Variants in NEMP2 observed in about 807,000 individuals in gnomAD.
NEMP2 encodes the protein nuclear envelope integral membrane protein 2.
A neutral mutation model predicts 54.2 loss-of-function variants in NEMP2; 53 were observed. The ratio of observed to expected loss-of-function variants is 0.98; its 90% CI spans 0.78 to 1.23. The LOEUF (loss-of-function observed/expected upper bound fraction) is 1.23, where lower values mean the gene tolerates loss of function less well. Ranked by LOEUF, NEMP2 falls within the 50% of genes most tolerant of loss-of-function variation. The pLI is 0.00. For missense variants in NEMP2, 455 were observed against 511.3 expected, an observed-to-expected ratio of 0.89 and a Z score of 1.06; for synonymous variants, 197 against 190.3, an observed-to-expected ratio of 1.04 and a Z score of -0.29.
the NEMP2 span, among the ~76,000 whole-genome samples, chr2:190,599,375 A>G: frequency 6.6e-6 from 1 of 152,200 alleles, no homozygotes; most frequent in African/African-American, 2.4e-5. Flanking sequence ...TTTCATCTGG[A>G]TAGATGGCAG....
the NEMP2 span, among the ~76,000 whole-genome samples, chr2:190,573,222 T>G: frequency 1.5e-4 from 23 of 152,218 alleles, no homozygotes; most frequent in Non-Finnish European, 2.9e-4. Flanking sequence ...TGCCTCTGAT[T>G]TCTTATTTTA....
the NEMP2 span, among the ~76,000 whole-genome samples, chr2:190,627,593 GA>G: frequency 5.6e-4 from 79 of 141,938 alleles, no homozygotes; most frequent in South Asian, 1.8e-3. The surrounding 1 kb of genome is among the most constrained non-coding windows in gnomAD (Gnocchi z 4.4). Context: ...AGTTCTTAGG[GA>G]AAAAAAAAAA....
chr2:190,474,182 A>C, the NEMP2 span, among the ~76,000 whole-genome samples: 1 of 152,172 alleles, frequency 6.6e-6, no homozygotes, highest in Non-Finnish European at 1.5e-5. Context: ...AAACACATTC[A>C]AAAGCTAGCA....
In NEMP2 at chr2:190,523,921, T is replaced by C. The variant is rs900029691; in HGVS notation, c.213+1342A>G. 2.5e-4 allele frequency among the ~76,000 whole-genome samples: 38 copies of C among 151,904 alleles called. No homozygotes were observed. Among genetic ancestry groups the C allele is most frequent in the Non-Finnish European group, 2.9e-5 (2 of 67,948 alleles). ...CCAATGAATGTAAATGGAATAATGG[T>C]GCCAGGCGCAGTGGCTTGCGCCTGT... is the stretch of plus-strand genomic sequence containing the variant. On this transcript the variant is annotated intron_variant, in intron 2 of 8. Coordinates refer to ENST00000409150, the MANE Select transcript of NEMP2 (RefSeq NM_001142645.2). This position sits in a 1 kb window ranked among gnomAD's most constrained non-coding sequence, Gnocchi z 5.3.
chr2:190,476,928 A>G, the NEMP2 span, among the ~76,000 whole-genome samples: 2 of 151,920 alleles, frequency 1.3e-5, no homozygotes, highest in East Asian at 1.9e-4. Flanking sequence ...GCTGGAAACC[A>G]TCATTCTCAG....
chr2:190,518,135 G>A (rs1423938976), intron 4 of NEMP2, among the ~76,000 whole-genome samples: 1 of 151,968 alleles, frequency 6.6e-6, no homozygotes, highest in Non-Finnish European at 1.5e-5. Context: ...ACGAGTGTTG[G>A]GTACTAACCT....
the NEMP2 span, among the ~76,000 whole-genome samples, chr2:190,574,931 T>G: frequency 6.6e-6 from 1 of 151,720 alleles, no homozygotes; most frequent in African/African-American, 2.4e-5. Flanking sequence ...CTCAGCTCAC[T>G]ACGATCTCCA....
chr2:190,503,524 C>T (rs770337906), downstream of NEMP2, among the ~76,000 whole-genome samples: 2 of 152,150 alleles, frequency 1.3e-5, no homozygotes, highest in Non-Finnish European at 2.9e-5. This position sits in a 1 kb window ranked among gnomAD's most constrained non-coding sequence, Gnocchi z 6.3. Flanking sequence ...GATCTCTGGG[C>T]CTGTTTCCTC....
the NEMP2 span, among the ~76,000 whole-genome samples, chr2:190,427,290 T>TG: frequency 6.6e-6 from 1 of 152,214 alleles, no homozygotes; most frequent in Admixed American, 6.5e-5. Context: ...GTTGAGGGGT[T>TG]GGGGGTTCCC....
At chr2:190,633,108 T>C in the NEMP2 span, among the ~76,000 whole-genome samples, 1 of 152,132 alleles carries the variant, frequency 6.6e-6, no homozygotes, top group Non-Finnish European at 1.5e-5. Flanking sequence ...GAATGTCACT[T>C]TCCTCTTAAG....
At position 190,519,724 on chromosome 2, in the gene NEMP2, T is replaced by C. The variant is rs1318083362; in HGVS notation, c.214-541A>G. 6.6e-6 allele frequency among the ~76,000 whole-genome samples: 1 copy of C among 152,238 alleles called. No homozygotes were observed. The highest frequency in any genetic ancestry group is 6.5e-5 in the Admixed American group (1 of 15,290). ...AATGCTTCTCCCTCCAAGCTGTGGC[T>C]GATTTAAGTCCCTCTTCTAGCAAGT... On this transcript the variant is annotated intron_variant, in intron 2 of 8. Transcript: ENST00000409150. This position sits in a 1 kb window ranked among gnomAD's most constrained non-coding sequence, Gnocchi z 5.4.
At chr2:190,560,900 C>A in the NEMP2 span, among the ~76,000 whole-genome samples, 1 of 152,126 alleles carries the variant, frequency 6.6e-6, no homozygotes, top group Non-Finnish European at 1.5e-5. This position sits in a 1 kb window ranked among gnomAD's most constrained non-coding sequence, Gnocchi z 5.4. Flanking sequence ...TTTTAAATAT[C>A]AAAATACTGT....
the NEMP2 span, chr2:190,610,377 T>C: frequency 6.6e-6 from 1 of 152,192 alleles, no homozygotes; most frequent in Non-Finnish European, 1.5e-5. This position sits in a 1 kb window ranked among gnomAD's most constrained non-coding sequence, Gnocchi z 5.4. Context: ...TACCTATGAA[T>C]TGGGTGAATT....
At chr2:190,490,055 T>C in the NEMP2 span, among the ~76,000 whole-genome samples, 3 of 151,910 alleles carry the variant, frequency 2.0e-5, no homozygotes, top group African/African-American at 7.2e-5. This position sits in a 1 kb window ranked among gnomAD's most constrained non-coding sequence, Gnocchi z 4.5. Flanking sequence ...AGAAAAAATA[T>C]TGTTTTAAGT....
At chr2:190,435,123 A>G in the NEMP2 span, among the ~76,000 whole-genome samples, 40 of 152,302 alleles carry the variant, frequency 2.6e-4, no homozygotes, top group African/African-American at 9.6e-4. Flanking sequence ...TGGTGCCAAA[A>G]TGGTTGGGGA....
chr2:190,506,269 A>G lies in NEMP2; in HGVS notation c.*2920T>C. ...GCAGCTTGCTCCTGTTGTCACCTAA[A>G]AGTACCTCTCTGTCTTCCTGCAGGT... On this transcript the variant is annotated 3_prime_UTR_variant, in exon 9 of 9. Transcript: ENST00000409150. The surrounding 1 kb of genome is among the most constrained non-coding windows in gnomAD (Gnocchi z 6.3). The G allele has an allele frequency of 6.6e-6, 1 of 152,184 alleles. No homozygotes were observed. The highest frequency in any genetic ancestry group is 1.5e-5 in the Non-Finnish European group (1 of 68,042). The allele number at this position is 152,184 out of a possible 1,614,324, so 9.4% of individuals were successfully genotyped here. A position where few individuals can be genotyped will look rare whatever the true frequency, so the allele number is the denominator to read the frequency against.
chr2:190,642,478 C>T, the NEMP2 span, among the ~76,000 whole-genome samples: 1 of 152,026 alleles, frequency 6.6e-6, no homozygotes, highest in African/African-American at 2.4e-5. The surrounding 1 kb of genome is among the most constrained non-coding windows in gnomAD (Gnocchi z 4.1). Flanking sequence ...CTTTTAAAGT[C>T]GTGGCTCTTG....
At chr2:190,608,206 C>G in the NEMP2 span, 1 of 152,238 alleles carries the variant, frequency 6.6e-6, no homozygotes, top group South Asian at 2.1e-4. This position sits in a 1 kb window ranked among gnomAD's most constrained non-coding sequence, Gnocchi z 4.9. Context: ...TATCGCAGTG[C>G]TTGTGTTCGA....
the NEMP2 span, among the ~76,000 whole-genome samples, chr2:190,581,917 A>G: frequency 1.8e-4 from 27 of 152,270 alleles, no homozygotes; most frequent in Middle Eastern, 3.4e-3. Flanking sequence ...GAGTATTTAC[A>G]CCACAAAAAT....
Sources: gnomAD v4.1 joint callset for allele counts (sites outside exome capture counted in the v4.1 genomes callset) on GRCh38, gnomAD v4.1.1 for gene constraint, Gnocchi (gnomAD v3.1) non-coding constraint, MANE v1.5 for transcripts, NCBI Gene and HGNC (gene_info 2026-07-23, HGNC 2026-07-21) for gene names.